Variants in BTBD8 observed in about 807,000 individuals in gnomAD.
BTBD8 encodes the protein BTB/POZ domain-containing protein 8.
In BTBD8, 110 loss-of-function variants were observed where a neutral mutation model predicts 162.9. That is an observed-to-expected ratio of 0.68 (90% CI 0.58 to 0.79). BTBD8 has a LOEUF of 0.79. Among genes scored for constraint, BTBD8 ranks in the 30% least tolerant of loss-of-function variants. The pLI is 0.00. For missense variants in BTBD8, 1,905 were observed against 2,085.4 expected, an observed-to-expected ratio of 0.91 and a Z score of 1.68; for synonymous variants, 667 against 716.1, an observed-to-expected ratio of 0.93 and a Z score of 1.10.
intron 5 of BTBD8, among the ~76,000 whole-genome samples, chr1:92,134,511 C>T (rs899602798): frequency 6.6e-6 from 1 of 152,124 alleles, no homozygotes; most frequent in African/African-American, 2.4e-5. Context: ...TAGTATTTTG[C>T]ATGGCTGGCT....
chr1:92,182,740 T>C, intron 17 of BTBD8, 145 bp downstream of exon 17: 1 of 499,998 alleles, frequency 2.0e-6, no homozygotes, highest in Non-Finnish European at 3.4e-6. Flanking sequence ...AAAAATGTCT[T>C]AATATGAAAA....
At chr1:92,161,654 A>G (rs1650277502) in intron 9 of BTBD8, among the ~76,000 whole-genome samples, 1 of 152,218 alleles carries the variant, frequency 6.6e-6, no homozygotes, top group Admixed American at 6.5e-5. Context: ...GGACGTGAGA[A>G]CTACCATGTC....
intron 4 of BTBD8, among the ~76,000 whole-genome samples, chr1:92,110,371 G>A (rs1255139093): frequency 2.0e-5 from 3 of 152,284 alleles, no homozygotes; most frequent in Non-Finnish European, 4.4e-5. Context: ...TATCAGAGAT[G>A]GGGATTATAA....
At chr1:92,110,461 G>A (rs951044238) in intron 4 of BTBD8, among the ~76,000 whole-genome samples, 2 of 152,150 alleles carry the variant, frequency 1.3e-5, no homozygotes, top group African/African-American at 2.4e-5. Flanking sequence ...TACCTGATTA[G>A]CCTTCATGGA....
intron 4 of BTBD8, among the ~76,000 whole-genome samples, chr1:92,112,330 G>A (rs1029234982): frequency 1.3e-5 from 2 of 152,118 alleles, no homozygotes; most frequent in African/African-American, 4.8e-5. Context: ...TTTGAGCCTA[G>A]GTGTTTGAGG....
chr1:92,092,394 CA>C (rs60361376), intron 2 of BTBD8, among the ~76,000 whole-genome samples: 93,114 of 131,402 alleles, frequency 0.71, 32,533 homozygotes, highest in East Asian at 0.96. Flanking sequence ...AGGCTATCTC[CA>C]AAAAAAAAAA....
chr1:92,138,401 G>A lies in BTBD8; in HGVS notation c.753-949G>A, dbSNP rs1032084459. 3.3e-5 allele frequency among the ~76,000 whole-genome samples: 5 copies of A among 152,202 alleles called. No individual in the cohort carries two copies. In the East Asian group the frequency reaches 9.6e-4, roughly 29 times the overall value. ...TCTCATAAAATGCTAAAATTTTGTAGCATTTTAGATTTCCGATTTTCAGAT... is the reference window on the plus strand; with the variant it reads ...TCTCATAAAATGCTAAAATTTTGTAACATTTTAGATTTCCGATTTTCAGAT... On this transcript the variant is annotated intron_variant, in intron 5 of 17. Transcript: ENST00000636805.
chr1:92,120,489 T>C (rs1179631167), intron 4 of BTBD8, among the ~76,000 whole-genome samples: 2 of 152,228 alleles, frequency 1.3e-5, no homozygotes, highest in African/African-American at 4.8e-5. Flanking sequence ...CAATATAAAA[T>C]GTAGTACAAT....
At chr1:92,142,408 C>T (rs1009554493) in intron 7 of BTBD8, among the ~76,000 whole-genome samples, 8 of 152,142 alleles carry the variant, frequency 5.3e-5, no homozygotes, top group African/African-American at 1.9e-4. Flanking sequence ...ACCATCCCAC[C>T]CTGGAGCTTC....
rs1347180484 is a variant in BTBD8 at position 92,184,129 on chromosome 1, G to A, written c.5178G>A (p.Gln1726=). The A allele has an allele frequency of 4.1e-5, 63 of 1,551,520 alleles. No homozygotes were observed. The highest frequency in any genetic ancestry group is 5.4e-5 in the Non-Finnish European group (62 of 1,146,874). ...NSVPEDLSLA[Q]YLINQTLLLA... is the part of the protein sequence containing the mutation. Reference sequence around the variant, plus strand: ...TTCCTGAAGACTTAAGTTTAGCACAGTATCTAATCAATCAGACACTACTTT... The same window carrying A: ...TTCCTGAAGACTTAAGTTTAGCACAATATCTAATCAATCAGACACTACTTT... Residue 1726 remains glutamine, a synonymous_variant, in exon 18 of 18, where the codon CAG becomes CAA. Coordinates refer to ENST00000636805, the MANE Select transcript of BTBD8 (RefSeq NM_001376131.1).
chr1:92,106,453 G>C (rs1387070439), intron 3 of BTBD8, among the ~76,000 whole-genome samples: 1 of 151,810 alleles, frequency 6.6e-6, no homozygotes, highest in East Asian at 1.9e-4. Flanking sequence ...GAGGTCAGGA[G>C]ATCGAGACCA....
intron 4 of BTBD8, among the ~76,000 whole-genome samples, chr1:92,120,450 T>A (rs1380756347): frequency 6.6e-6 from 1 of 152,150 alleles, no homozygotes; most frequent in Non-Finnish European, 1.5e-5. Context: ...ACTTTTTTTT[T>A]ATATGTAAGT....
chr1:92,113,944 G>A (rs1055665590), intron 4 of BTBD8, among the ~76,000 whole-genome samples: 7 of 150,126 alleles, frequency 4.7e-5, no homozygotes, highest in African/African-American at 1.2e-4. Flanking sequence ...TCCAGGAGGC[G>A]GAGGTTGCAG....
At chr1:92,138,332 A>G (rs1371896786) in intron 5 of BTBD8, among the ~76,000 whole-genome samples, 1 of 152,224 alleles carries the variant, frequency 6.6e-6, no homozygotes, top group East Asian at 1.9e-4. Context: ...AATGAAACAA[A>G]TTTTGTGTAT....
intron 12 of BTBD8, among the ~76,000 whole-genome samples, chr1:92,170,523 A>T (rs1650509216): frequency 6.6e-6 from 1 of 152,112 alleles, no homozygotes; most frequent in Non-Finnish European, 1.5e-5. Flanking sequence ...CATTTTCAGG[A>T]TCCTGCTTTG....
At chr1:92,125,048 C>A (rs983755002) in intron 4 of BTBD8, among the ~76,000 whole-genome samples, 4 of 151,554 alleles carry the variant, frequency 2.6e-5, no homozygotes, top group African/African-American at 9.7e-5. Context: ...TTGATATTTC[C>A]TTAAGATTTA....
intron 7 of BTBD8, among the ~76,000 whole-genome samples, chr1:92,142,324 A>G (rs1193268182): frequency 6.6e-6 from 1 of 152,208 alleles, no homozygotes. Flanking sequence ...CACAAAGATT[A>G]AAGCTAGAGA....
intron 9 of BTBD8, among the ~76,000 whole-genome samples, chr1:92,152,739 A>G (rs1479258598): frequency 1.3e-5 from 2 of 152,080 alleles, no homozygotes; most frequent in African/African-American, 2.4e-5. Flanking sequence ...TCCCAATGCT[A>G]TACTCTTTTA....
intron 7 of BTBD8, among the ~76,000 whole-genome samples, chr1:92,143,430 CAG>C (rs983812887): frequency 1.3e-4 from 20 of 151,904 alleles, no homozygotes; most frequent in Non-Finnish European, 7.4e-5. Flanking sequence ...TTAATAAAAA[CAG>C]AAAATGAAGT....
Sources: allele counts gnomAD v4.1 joint callset (sites outside exome capture counted in the v4.1 genomes callset), GRCh38; gene constraint gnomAD v4.1.1; transcripts MANE v1.5; gene names NCBI Gene and HGNC (gene_info 2026-07-23, HGNC 2026-07-21).